The following SUPT3H variants were observed in gnomAD, a reference collection of about 807,000 sequenced individuals.
The protein encoded by SUPT3H is transcription initiation protein SPT3 homolog.
A neutral mutation model predicts 44.3 loss-of-function variants in SUPT3H; 44 were observed. The observed-to-expected ratio is 0.99, with a 90% CI of 0.78 to 1.28. The LOEUF is 1.28. SUPT3H is among the 50% of genes most tolerant of loss of function. The probability of loss-of-function intolerance (pLI) is 0.00; values close to 1 mark genes in which losing one functional copy is unlikely to be tolerated. For missense variants in SUPT3H, 380 were observed against 387.1 expected (o/e 0.98, Z 0.15); for synonymous variants, 124 against 125.6 (o/e 0.99, Z 0.09).
intron 10 of SUPT3H, among the ~76,000 whole-genome samples, chr6:44,889,817 G>C (rs1259547731): frequency 1.3e-5 from 2 of 152,078 alleles, no homozygotes; most frequent in African/African-American, 2.4e-5. Flanking sequence ...CCATCAGAGT[G>C]AACAGGCAAC....
chr6:45,197,646 G>C, intron 2 of SUPT3H: 1 of 352,378 alleles, frequency 2.8e-6, no homozygotes, highest in South Asian at 2.2e-5. Flanking sequence ...GAAAAAAATT[G>C]ACAATACTAT....
intron 6 of SUPT3H, among the ~76,000 whole-genome samples, chr6:44,981,291 T>A (rs545354086): frequency 6.6e-6 from 1 of 152,226 alleles, no homozygotes; most frequent in Non-Finnish European, 1.5e-5. Flanking sequence ...AGAAGTCATA[T>A]ACCTGGAAAA....
chr6:44,877,087 A>G (rs1777430448), intron 10 of SUPT3H, among the ~76,000 whole-genome samples: 1 of 152,202 alleles, frequency 6.6e-6, no homozygotes, highest in South Asian at 2.1e-4. Context: ...CAAATAATGT[A>G]GCCTTCTTTA....
intron 3 of SUPT3H, among the ~76,000 whole-genome samples, chr6:45,062,921 C>T (rs1001548240): frequency 4.0e-5 from 6 of 151,488 alleles, no homozygotes; most frequent in Admixed American, 6.6e-5. Flanking sequence ...CTTAGGTAAA[C>T]AAAGCAGAAA....
At chr6:45,089,413 C>T (rs1386652687) in intron 3 of SUPT3H, among the ~76,000 whole-genome samples, 1 of 152,026 alleles carries the variant, frequency 6.6e-6, no homozygotes, top group East Asian at 1.9e-4. Context: ...TGTAACCAGG[C>T]CTCTTTGTAG....
intron 6 of SUPT3H, among the ~76,000 whole-genome samples, chr6:44,991,270 T>C (rs993327427): frequency 6.6e-6 from 1 of 152,126 alleles, no homozygotes; most frequent in Non-Finnish European, 1.5e-5. Context: ...TCTATAGCAA[T>C]GCAAAACACT....
intron 3 of SUPT3H, among the ~76,000 whole-genome samples, chr6:45,079,125 T>A (rs1258521142): frequency 2.0e-5 from 3 of 152,026 alleles, no homozygotes; most frequent in Non-Finnish European, 4.4e-5. Flanking sequence ...CTGGCTAATA[T>A]AGTGAAACCC....
intron 10 of SUPT3H, among the ~76,000 whole-genome samples, chr6:44,892,545 A>G (rs576753): frequency 0.99 from 150,762 of 152,308 alleles, 74,644 homozygotes; most frequent in East Asian, 1. Flanking sequence ...GACAAAGTCT[A>G]CAGTTAAACA....
intron 7 of SUPT3H, among the ~76,000 whole-genome samples, chr6:44,960,096 T>TA (rs1775790497): frequency 6.6e-6 from 1 of 152,198 alleles, no homozygotes; most frequent in Admixed American, 6.5e-5. Context: ...ATACTATAGT[T>TA]ATTTTATACA....
intron 3 of SUPT3H, among the ~76,000 whole-genome samples, chr6:45,065,741 T>C (rs374070931): frequency 6.6e-6 from 1 of 150,974 alleles, no homozygotes; most frequent in Non-Finnish European, 1.5e-5. Flanking sequence ...ACACATACAC[T>C]CTCCCAAGAC....
At chr6:44,917,829 T>C (rs1768054819) in intron 10 of SUPT3H, among the ~76,000 whole-genome samples, 2 of 152,184 alleles carry the variant, frequency 1.3e-5, no homozygotes, top group South Asian at 4.1e-4. Context: ...AAAATACTCC[T>C]CTATCATCAT....
intron 3 of SUPT3H, among the ~76,000 whole-genome samples, chr6:45,084,475 C>T (rs147615710): frequency 1.2e-3 from 186 of 151,948 alleles, no homozygotes; most frequent in African/African-American, 4.2e-3. Flanking sequence ...AACATGTTGG[C>T]GAGGCTGCAA....
intron 3 of SUPT3H, among the ~76,000 whole-genome samples, chr6:45,042,285 T>G (rs1788659955): frequency 6.6e-6 from 1 of 152,062 alleles, no homozygotes; most frequent in African/African-American, 2.4e-5. Flanking sequence ...TAGCTGGGCA[T>G]TTTGGCAGGC....
At chr6:45,237,129 TAAAC>T (rs1017510564) in intron 2 of SUPT3H, among the ~76,000 whole-genome samples, 2 of 152,074 alleles carry the variant, frequency 1.3e-5, no homozygotes, top group African/African-American at 4.8e-5. Flanking sequence ...GAAACACAAA[TAAAC>T]AAGGCAAAGC....
chr6:45,229,565 A>G (rs1004025602), intron 2 of SUPT3H, among the ~76,000 whole-genome samples: 4 of 152,200 alleles, frequency 2.6e-5, no homozygotes, highest in African/African-American at 9.7e-5. Flanking sequence ...TGCTGATACA[A>G]TTATCAGCCA....
chr6:44,932,587 AC>A, intron 10 of SUPT3H, 65 bp downstream of exon 10: 1 of 1,143,230 alleles, frequency 8.7e-7, no homozygotes. Context: ...TCTTCATTTG[AC>A]CACTTGAAAA....
At chr6:44,960,369 G>A (rs1376457770) in intron 7 of SUPT3H, among the ~76,000 whole-genome samples, 30 of 143,846 alleles carry the variant, frequency 2.1e-4, no homozygotes, top group African/African-American at 7.0e-4. Flanking sequence ...GCAGTGAGCC[G>A]AGATCGCACC....
intron 2 of SUPT3H, among the ~76,000 whole-genome samples, chr6:45,271,609 G>T (rs540952821): frequency 2.6e-5 from 4 of 152,284 alleles, no homozygotes; most frequent in South Asian, 4.1e-4. Context: ...TAGGGGCAGG[G>T]CCCTCATGGA....
chr6:44,877,009 G>A (rs1315871293), intron 10 of SUPT3H, among the ~76,000 whole-genome samples: 2 of 152,226 alleles, frequency 1.3e-5, no homozygotes, highest in South Asian at 2.1e-4. Flanking sequence ...AAGGAAACTG[G>A]AAAAAGGATT....
Sources: gnomAD v4.1 joint callset for allele counts (sites outside exome capture counted in the v4.1 genomes callset) on GRCh38, gnomAD v4.1.1 for gene constraint, MANE v1.5 for transcripts, NCBI Gene and HGNC (gene_info 2026-07-23, HGNC 2026-07-21) for gene names.